MBOAT2: variants seen among roughly 807,000 people sequenced by gnomAD.
The protein encoded by MBOAT2 is membrane-bound glycerophospholipid O-acyltransferase 2.
In MBOAT2, 28 loss-of-function variants were observed where a neutral mutation model predicts 63.4. The ratio of observed to expected loss-of-function variants is 0.44; its 90% CI spans 0.33 to 0.61. The LOEUF is 0.61. MBOAT2 is among the 20% of genes least tolerant of loss of function. The pLI is 0.03. For missense variants in MBOAT2, 470 were observed against 605.8 expected, an observed-to-expected ratio of 0.78 and a Z score of 2.35; for synonymous variants, 211 against 215.6, an observed-to-expected ratio of 0.98 and a Z score of 0.19.
chr2:8,878,558 G>A (rs190285100), intron 6 of MBOAT2, among the ~76,000 whole-genome samples: 30 of 152,300 alleles, frequency 2.0e-4, no homozygotes, highest in Non-Finnish European at 3.4e-4. Context: ...TGTTGCCCAG[G>A]CTGGACTCAA....
chr2:8,943,351 A>G (rs1404073811), intron 2 of MBOAT2, 87 bp from the exon 3 acceptor site: 1 of 698,916 alleles, frequency 1.4e-6, no homozygotes, highest in East Asian at 2.8e-5. Context: ...ATACTTATGC[A>G]TAACACAGTA....
chr2:8,968,282 C>G (rs1274766468), intron 1 of MBOAT2, among the ~76,000 whole-genome samples: 1 of 152,218 alleles, frequency 6.6e-6, no homozygotes, highest in African/African-American at 2.4e-5. Flanking sequence ...CTGGAGTGGA[C>G]CTCCAGCAAA....
chr2:9,000,560 G>A (rs79488973), intron 1 of MBOAT2, among the ~76,000 whole-genome samples: 6,040 of 152,298 alleles, frequency 0.04, 321 homozygotes, highest in African/African-American at 0.12. Flanking sequence ...TCAAACTACA[G>A]TCATGTGTCA....
chr2:8,943,644 C>T (rs1289020698), intron 2 of MBOAT2, among the ~76,000 whole-genome samples: 1 of 152,092 alleles, frequency 6.6e-6, no homozygotes, highest in East Asian at 1.9e-4. Context: ...GGTTGTTTCC[C>T]CAAACTAGTT....
intron 4 of MBOAT2, among the ~76,000 whole-genome samples, chr2:8,897,214 CCT>C (rs1180646493): frequency 2.1e-5 from 3 of 142,882 alleles, no homozygotes; most frequent in African/African-American, 5.9e-5. Flanking sequence ...TTTGTCTCTT[CCT>C]CTCTGTCTCC....
At chr2:8,935,174 G>A (rs1667574299) in intron 3 of MBOAT2, among the ~76,000 whole-genome samples, 1 of 152,164 alleles carries the variant, frequency 6.6e-6, no homozygotes, top group South Asian at 2.1e-4. Flanking sequence ...GAGAAGCAGA[G>A]AACACCAGGA....
intron 4 of MBOAT2, among the ~76,000 whole-genome samples, chr2:8,897,064 G>A (rs2148567200): frequency 6.6e-6 from 1 of 152,296 alleles, no homozygotes; most frequent in East Asian, 1.9e-4. Flanking sequence ...TCAATTATAG[G>A]TTTTAAAATT....
In MBOAT2 at chr2:8,981,804, G is replaced by A. The variant is rs186793496; in HGVS notation, c.75+21736C>T. Among the ~76,000 whole-genome samples, 14 of 152,274 alleles carry A rather than the reference G, an allele frequency of 9.2e-5. No individual in the cohort carries two copies. In the East Asian group the frequency reaches 2.3e-3, roughly 25 times the overall value. ...GGTTTCTGTAATTTGCTTTAGGGGT[G>A]TCCTAATATGTTATTTCATTACAAA... On this transcript the variant is annotated intron_variant, in intron 1 of 12. Coordinates refer to ENST00000305997, the MANE Select transcript of MBOAT2 (RefSeq NM_138799.4).
chr2:8,861,641 C>T lies in MBOAT2; in HGVS notation c.1186-877G>A, dbSNP rs541601636. Among the ~76,000 whole-genome samples, 27 of 152,304 alleles carry T rather than the reference C, an allele frequency of 1.8e-4. No individual in the cohort carries two copies. The South Asian group carries it at 5.6e-3, about 32-fold the overall frequency. ...TCATTTTCTTCCCCATTATACTTCA[C>T]TCACTATTGAAATAACTTTCATCTC... On this transcript the variant is annotated intron_variant, in intron 11 of 12. Transcript: ENST00000305997.
At chr2:8,956,367 T>C (rs1669223326) in intron 2 of MBOAT2, among the ~76,000 whole-genome samples, 1 of 152,056 alleles carries the variant, frequency 6.6e-6, no homozygotes. Context: ...GAAAGCTTTC[T>C]CCTTTAAGAA....
chr2:8,960,235 TA>T (rs1248079787), intron 1 of MBOAT2, among the ~76,000 whole-genome samples: 1 of 152,230 alleles, frequency 6.6e-6, no homozygotes, highest in Non-Finnish European at 1.5e-5. Flanking sequence ...TCTTACAGTT[TA>T]AAACTTTGTT....
intron 4 of MBOAT2, among the ~76,000 whole-genome samples, chr2:8,903,976 A>T (rs1012917254): frequency 1.5e-4 from 23 of 150,496 alleles, no homozygotes; most frequent in African/African-American, 5.6e-4. Context: ...TTTTTTTTTT[A>T]TTTTACTTTA....
In MBOAT2 at chr2:8,876,937, A is replaced by C. The variant is rs1572941945; in HGVS notation, c.690+93T>G. On this transcript the variant is annotated intron_variant, in intron 7 of 12. Coordinates refer to ENST00000305997, the MANE Select transcript of MBOAT2 (RefSeq NM_138799.4). ...TTGAAAAGTATTTTTAAAGAAACAG[A>C]TGGATAAGTTCACAATGTGAAAATA... 1.4e-5 allele frequency: 17 copies of C among 1,250,062 alleles called. No homozygotes were observed. In the East Asian group the frequency reaches 3.9e-4, roughly 29 times the overall value. The allele number at this position is 1,250,062 out of a possible 1,614,324, so 77.4% of individuals were successfully genotyped here.
intron 5 of MBOAT2, among the ~76,000 whole-genome samples, chr2:8,887,087 C>T (rs960841755): frequency 2.0e-5 from 3 of 152,168 alleles, no homozygotes; most frequent in Non-Finnish European, 4.4e-5. Context: ...GGAATCTGAG[C>T]GTACATCTGC....
chr2:8,994,728 T>C (rs555850441), intron 1 of MBOAT2, among the ~76,000 whole-genome samples: 4 of 152,228 alleles, frequency 2.6e-5, no homozygotes, highest in South Asian at 2.1e-4. Flanking sequence ...GAACATATCA[T>C]GCATGCAAGA....
chr2:8,939,031 T>C (rs538929316), intron 3 of MBOAT2, among the ~76,000 whole-genome samples: 1 of 152,292 alleles, frequency 6.6e-6, no homozygotes, highest in East Asian at 1.9e-4. Flanking sequence ...ACTGAACTCC[T>C]TGGAGGAGAA....
intron 1 of MBOAT2, among the ~76,000 whole-genome samples, chr2:8,997,790 A>C (rs1310271697): frequency 6.6e-6 from 1 of 152,214 alleles, no homozygotes; most frequent in African/African-American, 2.4e-5. Flanking sequence ...GCCAAAGAGC[A>C]CAAGGCTGGC....
intron 2 of MBOAT2, among the ~76,000 whole-genome samples, chr2:8,945,978 A>C (rs1668386890): frequency 6.6e-6 from 1 of 152,236 alleles, no homozygotes; most frequent in Non-Finnish European, 1.5e-5. Context: ...CAGAGCTCCC[A>C]GTCTAGAGAG....
In MBOAT2 at chr2:8,857,882, A is replaced by G. The variant is rs1307515200; in HGVS notation, c.*797T>C. On this transcript the variant is annotated 3_prime_UTR_variant, in exon 13 of 13. Coordinates refer to ENST00000305997, the MANE Select transcript of MBOAT2 (RefSeq NM_138799.4). Reference sequence around the variant, plus strand: ...CCGTGCATTCCACCGGAGGCCACGCAGTGCTTCTTCATTCCTGCCTTCCTT... The same window carrying G: ...CCGTGCATTCCACCGGAGGCCACGCGGTGCTTCTTCATTCCTGCCTTCCTT... 6.6e-6 allele frequency: 1 copy of G among 152,292 alleles called. No individual in the cohort carries two copies. The highest frequency in any genetic ancestry group is 1.5e-5 in the Non-Finnish European group (1 of 68,048). The allele number at this position is 152,292 out of a possible 1,614,324, so 9.4% of individuals were successfully genotyped here. A position where few individuals can be genotyped will look rare whatever the true frequency, so the allele number is the denominator to read the frequency against.
Sources: allele counts gnomAD v4.1 joint callset (sites outside exome capture counted in the v4.1 genomes callset), GRCh38; gene constraint gnomAD v4.1.1; transcripts MANE v1.5; gene names NCBI Gene and HGNC (gene_info 2026-07-23, HGNC 2026-07-21).